SHISA6: variants seen among roughly 807,000 people sequenced by gnomAD.
SHISA6 encodes shisa family member 6, also known as protein shisa-6.
Under a neutral mutation model 47.9 loss-of-function variants are expected in SHISA6, and 22 were observed. The ratio of observed to expected loss-of-function variants is 0.46; its 90% confidence interval spans 0.33 to 0.66. The LOEUF (loss-of-function observed/expected upper bound fraction) is 0.66. Among genes scored for constraint, SHISA6 ranks in the 30% least tolerant of loss-of-function variants. The pLI, the probability that SHISA6 is intolerant of heterozygous loss-of-function variation, is 0.02. For missense variants in SHISA6, 680 were observed against 764.6 expected, an observed-to-expected ratio of 0.89 and a Z score of 1.30; for synonymous variants, 388 against 337.8, an observed-to-expected ratio of 1.15 and a Z score of -1.63.
At chr17:11,376,258 A>G (rs1007240571) in intron 2 of SHISA6, among the ~76,000 whole-genome samples, 4 of 152,088 alleles carry the variant, frequency 2.6e-5, no homozygotes, top group African/African-American at 9.7e-5. Context: ...ATCACCAAGG[A>G]AAAGAAGAGG....
intron 3 of SHISA6, among the ~76,000 whole-genome samples, chr17:11,540,763 T>C (rs1412328611): frequency 6.6e-6 from 1 of 152,188 alleles, no homozygotes; most frequent in African/African-American, 2.4e-5. Flanking sequence ...AGGAAGGATA[T>C]AGTATGCAGG....
At chr17:11,322,587 A>G (rs920828505) in intron 2 of SHISA6, among the ~76,000 whole-genome samples, 3 of 152,220 alleles carry the variant, frequency 2.0e-5, no homozygotes, top group Non-Finnish European at 4.4e-5. Flanking sequence ...GACTTGAGAT[A>G]CTGGCATACA....
intron 3 of SHISA6, among the ~76,000 whole-genome samples, chr17:11,441,006 G>C (rs141306522): frequency 6.6e-6 from 1 of 151,950 alleles, no homozygotes; most frequent in East Asian, 2.0e-4. Context: ...TGAGAAGAGA[G>C]AGGAAGGAAG....
At chr17:11,290,501 C>G (rs1256261722) in intron 2 of SHISA6, 4 of 151,932 alleles carry the variant, frequency 2.6e-5, no homozygotes, top group African/African-American at 9.7e-5. Flanking sequence ...CAGGCGCCCG[C>G]CACCACACCT....
intron 3 of SHISA6, among the ~76,000 whole-genome samples, chr17:11,382,244 A>AT (rs922796181): frequency 2.6e-4 from 39 of 151,190 alleles, no homozygotes; most frequent in South Asian, 8.4e-4. Context: ...AGCTAATTTA[A>AT]TTTTTTTTTA....
intron 2 of SHISA6, among the ~76,000 whole-genome samples, chr17:11,360,797 T>TAA (rs1912244455): frequency 7.6e-6 from 1 of 131,980 alleles, no homozygotes; most frequent in Admixed American, 7.6e-5. Flanking sequence ...TAAAGTAAAA[T>TAA]TAAAAAAAAA....
At position 11,511,460 on chromosome 17, in the gene SHISA6, A is replaced by G. The variant is rs1597560246; in HGVS notation, c.896-40436A>G. On this transcript the variant is annotated intron_variant, in intron 3 of 5. Transcript: ENST00000441885. The stretch of plus-strand genomic sequence containing the variant: ...CAGAACTTAAAGTAAATTTTTAAAA[A>G]ATAAATAAACTGAATGAATAAATAA... 5.4e-5 allele frequency among the ~76,000 whole-genome samples: 8 copies of G among 149,454 alleles called. No homozygotes were observed. In the Middle Eastern group the frequency reaches 0.014, roughly 256 times the overall value.
In SHISA6 at chr17:11,499,417, C is replaced by T. The variant is rs1011147648; in HGVS notation, c.896-52479C>T. Among the ~76,000 whole-genome samples the T allele has an allele frequency of 3.2e-4, 49 of 152,160 alleles. 1 individual carries two copies. The highest frequency in any genetic ancestry group is 1.9e-4 in the East Asian group (1 of 5,174). On this transcript the variant is annotated intron_variant, in intron 3 of 5. Transcript: ENST00000441885. ...TGGAACCTCACAAACACACACACAACCTCTGCTTTCTTCCCCCACCTGTCC... is the reference window on the plus strand; with the variant it reads ...TGGAACCTCACAAACACACACACAATCTCTGCTTTCTTCCCCCACCTGTCC...
intron 2 of SHISA6, among the ~76,000 whole-genome samples, chr17:11,327,424 G>C (rs1910934661): frequency 6.6e-6 from 1 of 152,212 alleles, no homozygotes; most frequent in South Asian, 2.1e-4. Context: ...GGTTAGCTTA[G>C]AGACGCCTTA....
intron 1 of SHISA6, among the ~76,000 whole-genome samples, chr17:11,250,987 C>T (rs1322786495): frequency 6.6e-6 from 1 of 152,104 alleles, no homozygotes; most frequent in African/African-American, 2.4e-5. Flanking sequence ...GCTGCATCCT[C>T]CCATCATCCC....
chr17:11,330,704 A>T (rs1319604874), intron 2 of SHISA6, among the ~76,000 whole-genome samples: 1 of 152,204 alleles, frequency 6.6e-6, no homozygotes, highest in Admixed American at 6.5e-5. Context: ...TGCGTGAAGC[A>T]CCTTGCCAAA....
intron 3 of SHISA6, among the ~76,000 whole-genome samples, chr17:11,466,802 G>A (rs1159288559): frequency 3.9e-5 from 6 of 152,078 alleles, no homozygotes; most frequent in East Asian, 3.9e-4. Context: ...TGCCTCCCAC[G>A]GGGACCGTTC....
intron 2 of SHISA6, among the ~76,000 whole-genome samples, chr17:11,333,944 C>G (rs1911224707): frequency 6.6e-6 from 1 of 152,186 alleles, no homozygotes; most frequent in Admixed American, 6.5e-5. Context: ...CTACCACCAT[C>G]CAGAGAGGGC....
At chr17:11,483,231 G>C (rs370917527) in intron 3 of SHISA6, among the ~76,000 whole-genome samples, 9 of 151,880 alleles carry the variant, frequency 5.9e-5, no homozygotes, top group Non-Finnish European at 1.2e-4. Context: ...AACTTGGGAG[G>C]CGGAGGTTGC....
chr17:11,541,222 G>T (rs143558131), intron 3 of SHISA6, among the ~76,000 whole-genome samples: 8 of 152,310 alleles, frequency 5.3e-5, no homozygotes, highest in Non-Finnish European at 1.0e-4. Flanking sequence ...GGTCAGGTGA[G>T]TAGGAGGAAT....
intron 2 of SHISA6, among the ~76,000 whole-genome samples, chr17:11,269,819 G>T (rs986884809): frequency 2.6e-5 from 4 of 152,168 alleles, no homozygotes; most frequent in African/African-American, 9.7e-5. Flanking sequence ...ACTTAAGTGG[G>T]AGGTGACATC....
intron 3 of SHISA6, among the ~76,000 whole-genome samples, chr17:11,433,730 A>G (rs1914855826): frequency 6.6e-6 from 1 of 152,096 alleles, no homozygotes; most frequent in Admixed American, 6.5e-5. Context: ...AACATTCAGG[A>G]CCCTGGATAC....
chr17:11,327,088 G>T (rs1190799156), intron 2 of SHISA6, among the ~76,000 whole-genome samples: 1 of 152,172 alleles, frequency 6.6e-6, no homozygotes, highest in Non-Finnish European at 1.5e-5. Context: ...ATCCGATAGA[G>T]ACTGATGTCC....
At chr17:11,391,504 C>G (rs953984844) in intron 3 of SHISA6, among the ~76,000 whole-genome samples, 2 of 152,192 alleles carry the variant, frequency 1.3e-5, no homozygotes, top group South Asian at 2.1e-4. Context: ...AAGCAGACCT[C>G]TGTGTGTGGC....
Sources: gnomAD v4.1 joint callset for allele counts (sites outside exome capture counted in the v4.1 genomes callset) on GRCh38, gnomAD v4.1.1 for gene constraint, MANE v1.5 for transcripts, NCBI Gene and HGNC (gene_info 2026-07-23, HGNC 2026-07-21) for gene names.